The following SORBS2 variants were observed in gnomAD, a reference collection of about 807,000 sequenced individuals.
SORBS2 encodes sorbin and SH3 domain-containing protein 2.
In SORBS2, 46 loss-of-function variants were observed where a neutral mutation model predicts 97.7. The ratio of observed to expected loss-of-function variants is 0.47; its 90% CI spans 0.37 to 0.60. The LOEUF is 0.60. Ranked by LOEUF, SORBS2 falls within the 20% of genes least tolerant of loss-of-function variation. SORBS2 has a pLI of 0.00. For synonymous variants in SORBS2, 476 were observed against 473.4 expected (o/e 1.01, Z -0.07); for missense variants, 1,316 against 1,282.3 (o/e 1.03, Z -0.40).
intron 4 of SORBS2, among the ~76,000 whole-genome samples, chr4:185,669,989 C>T (rs757371698): frequency 8.5e-5 from 13 of 152,186 alleles, no homozygotes; most frequent in Middle Eastern, 3.4e-3. Flanking sequence ...GAGGCTGAGG[C>T]GGGCAGATCA....
rs539359094 is a variant in SORBS2 at position 185,882,064 on chromosome 4, C to T, written c.-338+74132G>A. ...TTTGGTTTCTTTAATAGCACTTTTC[C>T]CTTGCATTAATGCAAAATTATATTT... is the stretch of plus-strand genomic sequence containing the variant. On this transcript the variant is annotated intron_variant, in intron 1 of 20. Coordinates refer to the SORBS2 transcript ENST00000284776. Among the ~76,000 whole-genome samples, 8 of 152,056 alleles carry T rather than the reference C, an allele frequency of 5.3e-5. No homozygotes were observed. In the East Asian group the frequency reaches 1.4e-3, roughly 26 times the overall value.
intron 3 of SORBS2, among the ~76,000 whole-genome samples, chr4:185,647,770 C>T (rs187660427): frequency 5.9e-5 from 9 of 152,308 alleles, no homozygotes; most frequent in Middle Eastern, 3.4e-3. Flanking sequence ...AAAACACAGA[C>T]AGCAATAATG....
intron 12 of SORBS2, among the ~76,000 whole-genome samples, chr4:185,596,104 G>C (rs1404076541): frequency 1.3e-5 from 2 of 152,116 alleles, no homozygotes; most frequent in African/African-American, 4.8e-5. Flanking sequence ...AGAAAATGTT[G>C]TGTAAAATAT....
At chr4:185,952,704 T>C (rs953288038) in intron 1 of SORBS2, among the ~76,000 whole-genome samples, 1 of 152,204 alleles carries the variant, frequency 6.6e-6, no homozygotes, top group Non-Finnish European at 1.5e-5. Flanking sequence ...AGCGTTAATT[T>C]TGAAGAAAGC....
At chr4:185,899,694 A>G (rs1034234952) in intron 1 of SORBS2, among the ~76,000 whole-genome samples, 1 of 152,208 alleles carries the variant, frequency 6.6e-6, no homozygotes, top group Non-Finnish European at 1.5e-5. Context: ...AAAAATAAAG[A>G]GCTCTCCTTA....
intron 1 of SORBS2, among the ~76,000 whole-genome samples, chr4:185,802,080 C>T (rs1429582055): frequency 3.3e-5 from 5 of 152,204 alleles, no homozygotes; most frequent in East Asian, 1.9e-4. Context: ...CCATCTTTCC[C>T]GATCCTCTAA....
intron 1 of SORBS2, among the ~76,000 whole-genome samples, chr4:185,938,544 A>G (rs2099270246): frequency 6.6e-6 from 1 of 151,834 alleles, no homozygotes; most frequent in Admixed American, 6.6e-5. Flanking sequence ...GCTCTCTGTA[A>G]TCTCACCATT....
At chr4:185,869,990 A>G (rs193157587) in intron 1 of SORBS2, among the ~76,000 whole-genome samples, 2 of 152,244 alleles carry the variant, frequency 1.3e-5, no homozygotes. Flanking sequence ...AGAGGATAAA[A>G]AGTTGAAAAA....
At chr4:185,627,341 C>T (rs541205230) in intron 5 of SORBS2, among the ~76,000 whole-genome samples, 1 of 152,174 alleles carries the variant, frequency 6.6e-6, no homozygotes, top group African/African-American at 2.4e-5. Context: ...TCCTGAGTAG[C>T]TGGGACCACA....
intron 1 of SORBS2, among the ~76,000 whole-genome samples, chr4:185,653,763 C>T (rs1254073525): frequency 1.3e-5 from 2 of 152,120 alleles, no homozygotes; most frequent in African/African-American, 4.8e-5. Flanking sequence ...TAAAAGTAGA[C>T]ACATGCTTTT....
intron 1 of SORBS2, among the ~76,000 whole-genome samples, chr4:185,904,763 G>A (rs1008574918): frequency 6.6e-6 from 1 of 152,146 alleles, no homozygotes; most frequent in Non-Finnish European, 1.5e-5. Context: ...CAAAGCTCAG[G>A]ACATCAAACG....
chr4:185,636,066 C>A (rs2096994082), intron 4 of SORBS2, among the ~76,000 whole-genome samples: 1 of 152,054 alleles, frequency 6.6e-6, no homozygotes, highest in Non-Finnish European at 1.5e-5. Context: ...ACCATGTTGG[C>A]CAGGCTGGTC....
chr4:185,865,323 G>T (rs1289680084), intron 1 of SORBS2, among the ~76,000 whole-genome samples: 1 of 152,162 alleles, frequency 6.6e-6, no homozygotes, highest in Non-Finnish European at 1.5e-5. Flanking sequence ...CTCCACTGTG[G>T]CTGCTGCATC....
At chr4:185,611,226 A>C (rs6552899) in intron 12 of SORBS2, among the ~76,000 whole-genome samples, 99,581 of 151,806 alleles carry the variant, frequency 0.66, 33,637 homozygotes, top group African/African-American at 0.81. Flanking sequence ...GCTCTAGCTC[A>C]TTTTCCATAT....
intron 2 of SORBS2, among the ~76,000 whole-genome samples, chr4:185,721,084 CTTTTTTT>C (rs1160319469): frequency 1.3e-4 from 12 of 92,174 alleles, no homozygotes; most frequent in African/African-American, 3.5e-4. Flanking sequence ...CCCACCTATT[CTTTTTTT>C]TTTTTTTTTT....
intron 1 of SORBS2, among the ~76,000 whole-genome samples, chr4:185,932,690 G>A (rs76294752): frequency 0.052 from 7,966 of 152,092 alleles, 361 homozygotes; most frequent in African/African-American, 0.12. Flanking sequence ...ACCAGCCTCT[G>A]CAAACTGCTG....
At chr4:185,713,935 C>T (rs1307764731) in intron 2 of SORBS2, among the ~76,000 whole-genome samples, 1 of 152,228 alleles carries the variant, frequency 6.6e-6, no homozygotes, top group Admixed American at 6.5e-5. Context: ...GCATTGATTT[C>T]AAACAGTGCT....
At chr4:185,806,521 G>A (rs1431242268) in intron 1 of SORBS2, among the ~76,000 whole-genome samples, 5 of 133,440 alleles carry the variant, frequency 3.7e-5, no homozygotes, top group African/African-American at 8.5e-5. Flanking sequence ...GCAGTGGCGG[G>A]ATCTCGGCTC....
At chr4:185,666,458 T>C (rs535995642) in intron 4 of SORBS2, among the ~76,000 whole-genome samples, 1 of 152,318 alleles carries the variant, frequency 6.6e-6, no homozygotes, top group Non-Finnish European at 1.5e-5. Context: ...GGTTAGGGGC[T>C]TGAGAGTGTT....
Sources: gnomAD v4.1 joint callset for allele counts (sites outside exome capture counted in the v4.1 genomes callset) on GRCh38, gnomAD v4.1.1 for gene constraint, MANE v1.5 for transcripts, NCBI Gene and HGNC (gene_info 2026-07-23, HGNC 2026-07-21) for gene names.